Variants in TIPIN observed in about 807,000 individuals in gnomAD.
TIPIN encodes the protein TIMELESS interacting protein, also known as TIMELESS-interacting protein.
In TIPIN, 29 loss-of-function variants were observed where a neutral mutation model predicts 35.6. The observed-to-expected ratio is 0.82, with a 90% CI of 0.61 to 1.11. The LOEUF (loss-of-function observed/expected upper bound fraction) is 1.11, where lower values mean the gene tolerates loss of function less well. Among genes scored for constraint, TIPIN ranks in the 50% most tolerant of loss-of-function variants. TIPIN has a pLI of 0.00. For synonymous variants in TIPIN, 102 were observed against 121.5 expected (o/e 0.84, Z 1.06); for missense variants, 296 against 345.4 (o/e 0.86, Z 1.13).
intron 1 of TIPIN, among the ~76,000 whole-genome samples, chr15:66,365,808 G>A (rs2093251762): frequency 6.6e-6 from 1 of 152,032 alleles, no homozygotes; most frequent in South Asian, 2.1e-4. Flanking sequence ...GCCTCCCAAA[G>A]TGCTGGGATT....
intron 6 of TIPIN, among the ~76,000 whole-genome samples, chr15:66,345,081 A>G (rs776878536): frequency 3.2e-4 from 48 of 152,236 alleles, no homozygotes; most frequent in Admixed American, 9.2e-4. Context: ...TGCAAAAGGA[A>G]ACAGCATAGG....
chr15:66,337,258 A>G, intron 7 of TIPIN, 77 bp from the exon 8 acceptor site: 3 of 1,152,054 alleles, frequency 2.6e-6, no homozygotes, highest in Non-Finnish European at 3.7e-6. Context: ...ACCTCTTCAA[A>G]AGCTCAGTTT....
At chr15:66,379,582 C>T in intron 1 of TIPIN, 1 of 1,611,360 alleles carries the variant, frequency 6.2e-7, no homozygotes, top group Non-Finnish European at 8.5e-7. Flanking sequence ...CGGATTTCAA[C>T]AACAGACCCA....
chr15:66,359,385 A>G (rs373250703), upstream of TIPIN, among the ~76,000 whole-genome samples: 7 of 152,114 alleles, frequency 4.6e-5, no homozygotes, highest in Admixed American at 2.0e-4. Context: ...TTATTCTGTC[A>G]CCCAGGGTGG....
chr15:66,370,675 T>C (rs898819411), intron 1 of TIPIN, among the ~76,000 whole-genome samples: 6 of 152,156 alleles, frequency 3.9e-5, no homozygotes, highest in African/African-American at 1.4e-4. Context: ...TAGAAAAATG[T>C]GGTATTAAAA....
At chr15:66,339,002 G>A (rs968379525) in intron 7 of TIPIN, among the ~76,000 whole-genome samples, 34 of 149,656 alleles carry the variant, frequency 2.3e-4, no homozygotes, top group African/African-American at 7.3e-4. Flanking sequence ...ATGGGGGCAC[G>A]CACTTGTAGT....
Position 66,366,408 on chromosome 15 carries a change from T to C in TIPIN, c.-8-13453A>G, listed in dbSNP as rs143388060. 9.7e-3 allele frequency among the ~76,000 whole-genome samples: 1,474 copies of C among 151,652 alleles called. 54 individuals are homozygous for C. Among genetic ancestry groups the C allele is most frequent in the Admixed American group, 0.062 (932 of 15,154 alleles). Reference sequence around the variant, plus strand: ...GGCAGAGGTTGCAGTGAGACGAGATTGTGCCACTGTACTCTAGCCTGGGCA... The same window carrying C: ...GGCAGAGGTTGCAGTGAGACGAGATCGTGCCACTGTACTCTAGCCTGGGCA... On this transcript the variant is annotated intron_variant, in intron 1 of 7. Coordinates refer to the TIPIN transcript ENST00000562124.
intron 1 of TIPIN, among the ~76,000 whole-genome samples, chr15:66,385,935 C>A (rs1407634435): frequency 2.6e-5 from 4 of 151,852 alleles, no homozygotes; most frequent in Non-Finnish European, 5.9e-5. Flanking sequence ...CAGCTGCACA[C>A]AACCATGCCC....
At chr15:66,375,424 C>T (rs773959998) in intron 1 of TIPIN, among the ~76,000 whole-genome samples, 5 of 151,184 alleles carry the variant, frequency 3.3e-5, no homozygotes, top group Non-Finnish European at 7.4e-5. Context: ...ATCTGCCCAC[C>T]TCGGCCTCCC....
intron 1 of TIPIN, among the ~76,000 whole-genome samples, chr15:66,373,479 C>T (rs867425264): frequency 4.6e-4 from 65 of 141,708 alleles, no homozygotes; most frequent in African/African-American, 1.7e-3. Flanking sequence ...GGCGACAGAG[C>T]GAGACTCCGT....
At chr15:66,375,521 A>G (rs2093293434) in intron 1 of TIPIN, among the ~76,000 whole-genome samples, 1 of 146,190 alleles carries the variant, frequency 6.8e-6, no homozygotes, top group Admixed American at 6.9e-5. Context: ...ATATATATAT[A>G]TATATATTTC....
chr15:66,347,496 A>G (rs1166888540), intron 6 of TIPIN, among the ~76,000 whole-genome samples: 1 of 152,192 alleles, frequency 6.6e-6, no homozygotes, highest in Non-Finnish European at 1.5e-5. Flanking sequence ...TTTTATTAAC[A>G]AGTGCTATAT....
chr15:66,357,983 C>A (rs2093214662), upstream of TIPIN, among the ~76,000 whole-genome samples: 3 of 151,920 alleles, frequency 2.0e-5, no homozygotes, highest in South Asian at 6.2e-4. Context: ...TTTGGTCAGA[C>A]TTGGTGGCTC....
chr15:66,360,652 A>C (rs2093227079), upstream of TIPIN, among the ~76,000 whole-genome samples: 1 of 152,140 alleles, frequency 6.6e-6, no homozygotes, highest in Non-Finnish European at 1.5e-5. Flanking sequence ...CAAAATAGTG[A>C]AACACCGTCT....
chr15:66,361,319 G>A (rs1476353221), upstream of TIPIN, among the ~76,000 whole-genome samples: 1 of 146,160 alleles, frequency 6.8e-6, no homozygotes, highest in East Asian at 2.1e-4. Context: ...ACAGTGGCAC[G>A]ATCTCTGCTC....
At chr15:66,386,665 A>G (rs2093340334) in exon 1 of TIPIN, 1 of 178,536 alleles carries the variant, frequency 5.6e-6, no homozygotes, top group Admixed American at 6.3e-5. Context: ...AGCGACACAG[A>G]CTTCTTCTCA....
intron 4 of TIPIN, 59 bp downstream of exon 4, chr15:66,351,466 G>C (rs2093167331): frequency 8.0e-7 from 1 of 1,242,890 alleles, no homozygotes; most frequent in Non-Finnish European, 1.2e-6. Flanking sequence ...ATCATAATGG[G>C]TCCACATTTT....
chr15:66,379,546 G>A (rs1205967938), intron 1 of TIPIN: 17 of 1,610,644 alleles, frequency 1.1e-5, no homozygotes, highest in South Asian at 4.4e-5. Flanking sequence ...CGCACCCTGC[G>A]GATGTATTTT....
intron 6 of TIPIN, among the ~76,000 whole-genome samples, chr15:66,346,147 C>T (rs1435293050): frequency 2.0e-5 from 3 of 151,956 alleles, no homozygotes; most frequent in Non-Finnish European, 4.4e-5. Flanking sequence ...GGGGTTTCAC[C>T]ATGTTGGCCA....
Sources: allele counts gnomAD v4.1 joint callset (sites outside exome capture counted in the v4.1 genomes callset), GRCh38; gene constraint gnomAD v4.1.1; transcripts MANE v1.5; gene names NCBI Gene and HGNC (gene_info 2026-07-23, HGNC 2026-07-21).